The following PYHIN1 variants were observed in gnomAD, a reference collection of about 807,000 sequenced individuals.
The protein encoded by PYHIN1 is pyrin and HIN domain family member 1.
A neutral mutation model predicts 43.7 loss-of-function variants in PYHIN1; 32 were observed. The observed-to-expected ratio is 0.73, with a 90% confidence interval of 0.55 to 0.98. PYHIN1 has a LOEUF of 0.98. PYHIN1 is among the 50% of genes least tolerant of loss of function. The pLI, the probability that PYHIN1 is intolerant of heterozygous loss-of-function variation, is 0.00. For missense variants in PYHIN1, 588 were observed against 589.5 expected, an observed-to-expected ratio of 1.00 and a Z score of 0.03; for synonymous variants, 205 against 203.1, an observed-to-expected ratio of 1.01 and a Z score of -0.08.
At chr1:158,986,710 G>A in the PYHIN1 span, among the ~76,000 whole-genome samples, 1 of 152,160 alleles carries the variant, frequency 6.6e-6, no homozygotes, top group Non-Finnish European at 1.5e-5. Context: ...AGCCAACAAA[G>A]GCTAAAGCCA....
At chr1:158,941,587 C>T (rs187826748) in intron 4 of PYHIN1, among the ~76,000 whole-genome samples, 20 of 152,274 alleles carry the variant, frequency 1.3e-4, no homozygotes, top group East Asian at 5.8e-4. Flanking sequence ...CCATTTTCAG[C>T]GCTATTCAAT....
At chr1:158,979,555 T>G (rs950438121), downstream of PYHIN1, among the ~76,000 whole-genome samples, 1 of 152,204 alleles carries the variant, frequency 6.6e-6, no homozygotes, top group African/African-American at 2.4e-5. Context: ...CACCACATTT[T>G]CTTATCTATT....
At chr1:158,982,316 TA>T in the PYHIN1 span, among the ~76,000 whole-genome samples, 2 of 152,178 alleles carry the variant, frequency 1.3e-5, no homozygotes, top group Non-Finnish European at 2.9e-5. Flanking sequence ...GTAGATTTTT[TA>T]TATGGTGAAA....
At chr1:158,939,935 C>T (rs1328592192) in intron 4 of PYHIN1, 3 of 165,604 alleles carry the variant, frequency 1.8e-5, no homozygotes, top group Non-Finnish European at 1.3e-5. Flanking sequence ...CTTTGCTCAA[C>T]GAAAAAATGA....
Position 158,976,849 on chromosome 1 carries a change from T to TATATATGTAC in PYHIN1, c.*160_*161insGTACATATAT, listed in dbSNP as rs2101745598. ...CAAAGCACAGAAAATAATATATGTA[T>TATATATGTAC]ATATATCTGGTTGAAATACTATATA... On this transcript the variant is annotated 3_prime_UTR_variant, in exon 9 of 9. Transcript: ENST00000368140. The TATATATGTAC allele has an allele frequency of 3.6e-6, 1 of 278,566 alleles. No homozygotes were observed. 17.3% of individuals were successfully genotyped at this position (278,566 alleles called of 1,614,324 possible).
intron 7 of PYHIN1, among the ~76,000 whole-genome samples, chr1:158,958,289 A>G (rs1452478687): frequency 6.7e-6 from 1 of 149,964 alleles, no homozygotes; most frequent in Non-Finnish European, 1.5e-5. Context: ...TCATGCTGCT[A>G]TAAAGACACA....
intron 7 of PYHIN1, among the ~76,000 whole-genome samples, chr1:158,964,704 A>C (rs1040519695): frequency 6.6e-6 from 1 of 152,238 alleles, no homozygotes; most frequent in Non-Finnish European, 1.5e-5. Context: ...ATTTGTTACC[A>C]CCAGACCTGC....
intron 7 of PYHIN1, among the ~76,000 whole-genome samples, chr1:158,967,489 A>G (rs1650691104): frequency 6.6e-6 from 1 of 152,132 alleles, no homozygotes; most frequent in African/African-American, 2.4e-5. Context: ...GATAGGAAAA[A>G]TCAATATTAT....
rs546447986 is a variant in PYHIN1 at position 158,963,463 on chromosome 1, G to C, written c.1360-10184G>C. On this transcript the variant is annotated intron_variant, in intron 7 of 8. Transcript: ENST00000368140. ...TCTGCTGCAGCCTTCAAGCTGGCGA[G>C]GGAACATAAAATCTGAGCTCATCCC... is the stretch of plus-strand genomic sequence containing the variant. Among the ~76,000 whole-genome samples the C allele has an allele frequency of 5.3e-5, 8 of 152,152 alleles. No homozygotes were observed. The South Asian group carries it at 1.5e-3, about 28-fold the overall frequency.
intron 7 of PYHIN1, among the ~76,000 whole-genome samples, chr1:158,961,340 A>G (rs1300927516): frequency 1.3e-5 from 2 of 152,120 alleles, no homozygotes; most frequent in African/African-American, 2.4e-5. Flanking sequence ...TGATGTCATT[A>G]TTAGTCACAT....
chr1:158,967,854 T>G (rs959503911), intron 7 of PYHIN1, among the ~76,000 whole-genome samples: 1 of 152,026 alleles, frequency 6.6e-6, no homozygotes, highest in Admixed American at 6.6e-5. Context: ...AAGGACTCCT[T>G]TTTCAATAAA....
intron 7 of PYHIN1, among the ~76,000 whole-genome samples, chr1:158,958,149 C>G (rs931591152): frequency 1.3e-5 from 2 of 151,056 alleles, no homozygotes; most frequent in Non-Finnish European, 3.0e-5. Flanking sequence ...CACTTTTACA[C>G]TGTTGGTGGG....
At chr1:158,960,182 T>C (rs369156941) in intron 7 of PYHIN1, among the ~76,000 whole-genome samples, 59 of 152,354 alleles carry the variant, frequency 3.9e-4, no homozygotes, top group African/African-American at 1.2e-3. Context: ...TATTCAAGTA[T>C]TATTTGAGCT....
chr1:158,972,751 TA>T lies in PYHIN1; in HGVS notation c.1360-892del, dbSNP rs538226603. ...GCCTTTATATATTTTTGGGCCAGCC[TA>T]AAACTGTCTTCAAGCAAGACCTCCT... On this transcript the variant is annotated intron_variant, in intron 7 of 8. Coordinates refer to ENST00000368140, the MANE Select transcript of PYHIN1 (RefSeq NM_152501.5). Among the ~76,000 whole-genome samples the T allele has an allele frequency of 9.3e-3, 1,410 of 152,174 alleles. 32 individuals carry two copies. The highest frequency in any genetic ancestry group is 0.032 in the African/African-American group (1,350 of 41,544).
chr1:158,948,178 A>G (rs1441709062), intron 7 of PYHIN1, among the ~76,000 whole-genome samples: 1 of 152,232 alleles, frequency 6.6e-6, no homozygotes, highest in Non-Finnish European at 1.5e-5. Context: ...GAATTAGCAA[A>G]TAACATAAGA....
chr1:158,954,925 A>G (rs1571754564), intron 7 of PYHIN1, among the ~76,000 whole-genome samples: 1 of 151,006 alleles, frequency 6.6e-6, no homozygotes, highest in Non-Finnish European at 1.5e-5. Flanking sequence ...AGCAAATGGA[A>G]AACAAAAAAA....
At chr1:158,968,501 G>A (rs1050534526) in intron 7 of PYHIN1, among the ~76,000 whole-genome samples, 2 of 152,210 alleles carry the variant, frequency 1.3e-5, no homozygotes, top group East Asian at 1.9e-4. Context: ...CAGTGGGAGT[G>A]TTAATTAGTT....
chr1:158,943,003 C>A (rs531839537), intron 5 of PYHIN1, among the ~76,000 whole-genome samples: 1 of 151,934 alleles, frequency 6.6e-6, no homozygotes, highest in South Asian at 2.1e-4. Flanking sequence ...TTAGATATGT[C>A]GCAAAAAAAG....
chr1:158,977,958 A>C (rs856127), downstream of PYHIN1, among the ~76,000 whole-genome samples: 133,301 of 152,082 alleles, frequency 0.88, 59,922 homozygotes, highest in Middle Eastern at 0.98. Flanking sequence ...CTCACCCTTA[A>C]AATTATGAAA....
Sources: gnomAD v4.1 joint callset for allele counts (sites outside exome capture counted in the v4.1 genomes callset) on GRCh38, gnomAD v4.1.1 for gene constraint, MANE v1.5 for transcripts, NCBI Gene and HGNC (gene_info 2026-07-23, HGNC 2026-07-21) for gene names.